Variants in PALS2 observed in about 807,000 individuals in gnomAD.
The protein encoded by PALS2 is protein PALS2.
PALS2 carries 27 observed loss-of-function variants against 61.6 expected under a neutral mutation model. The ratio of observed to expected loss-of-function variants is 0.44; its 90% CI spans 0.32 to 0.60. PALS2 has a LOEUF of 0.60. Ranked by LOEUF, PALS2 falls within the 20% of genes least tolerant of loss-of-function variation. The probability of loss-of-function intolerance (pLI) is 0.05; values close to 1 mark genes in which losing one functional copy is unlikely to be tolerated. For synonymous variants in PALS2, 236 were observed against 218.6 expected (o/e 1.08, Z -0.70); for missense variants, 554 against 639.4 (o/e 0.87, Z 1.44).
Position 24,663,770 on chromosome 7 carries a change from T to A in PALS2, c.783+49T>A, listed in dbSNP as rs372794083. ...CTCAGCTACTTTTCTAATTTTAATC[T>A]TAGATCTGATCAATATCTGAATAGT... On this transcript the variant is annotated intron_variant, in intron 6 of 11. Coordinates refer to ENST00000222644, the MANE Select transcript of PALS2 (RefSeq NM_001303037.2). 31 of 1,543,824 alleles carry A rather than the reference T, an allele frequency of 2.0e-5. No homozygotes were observed. The African/African-American group carries it at 4.3e-4, about 21-fold the overall frequency.
At chr7:24,617,145 T>C (rs1327307062) in intron 1 of PALS2, among the ~76,000 whole-genome samples, 1 of 152,296 alleles carries the variant, frequency 6.6e-6, no homozygotes, top group East Asian at 1.9e-4. Context: ...AGAAATTCTT[T>C]CTTCTGCCTG....
chr7:24,638,323 T>TTTTTTTTTTTTTTTTC (rs1785345366), intron 2 of PALS2, among the ~76,000 whole-genome samples: 12 of 6,898 alleles, frequency 1.7e-3, no homozygotes, highest in Non-Finnish European at 7.8e-4. Flanking sequence ...CTGTATTTTC[T>TTTTTTTTTTTTTTTTC]TTTTTTTTTT....
At chr7:24,582,883 CTTTTTTT>C (rs757869072) in intron 1 of PALS2, among the ~76,000 whole-genome samples, 1 of 57,468 alleles carries the variant, frequency 1.7e-5, no homozygotes, top group Admixed American at 2.1e-4. Context: ...GATAGTCATG[CTTTTTTT>C]TTTTTTTTTT....
chr7:24,635,483 C>A (rs1199440087), intron 2 of PALS2, among the ~76,000 whole-genome samples: 3 of 152,072 alleles, frequency 2.0e-5, no homozygotes, highest in Admixed American at 1.3e-4. Flanking sequence ...AATACAAGGT[C>A]ATGTCATCTG....
At chr7:24,676,641 C>T (rs1220706459) in intron 9 of PALS2, among the ~76,000 whole-genome samples, 1 of 151,920 alleles carries the variant, frequency 6.6e-6, no homozygotes, top group Non-Finnish European at 1.5e-5. Context: ...GAATCCTTTC[C>T]CCATTGCTTG....
rs1277215077 is a variant in PALS2 at position 24,578,124 on chromosome 7, T to A, written c.-3+4531T>A. Among the ~76,000 whole-genome samples the A allele has an allele frequency of 2.6e-5, 4 of 151,800 alleles. No individual in the cohort carries two copies. In the East Asian group the frequency reaches 5.8e-4, roughly 22 times the overall value. On this transcript the variant is annotated intron_variant, in intron 1 of 11. Transcript: ENST00000222644. ...TGCCGAGCTAATTAAAAAAAAAAAA[T>A]TCTGTAGAAATGGAGTCTTGCTGTG...
intron 1 of PALS2, among the ~76,000 whole-genome samples, chr7:24,610,133 T>C (rs576357451): frequency 1.3e-5 from 2 of 152,260 alleles, no homozygotes; most frequent in South Asian, 2.1e-4. Flanking sequence ...GTAGGAAGTA[T>C]TGTTCTAGGA....
intron 9 of PALS2, among the ~76,000 whole-genome samples, chr7:24,677,297 T>C (rs1433333752): frequency 6.6e-6 from 1 of 152,154 alleles, no homozygotes; most frequent in African/African-American, 2.4e-5. Context: ...TTTCTAGATA[T>C]ACAATCACGT....
At chr7:24,587,887 A>G (rs1406841916) in intron 1 of PALS2, among the ~76,000 whole-genome samples, 1 of 152,200 alleles carries the variant, frequency 6.6e-6, no homozygotes, top group Non-Finnish European at 1.5e-5. Context: ...AGTGATTCTG[A>G]TGCCAGAAAT....
chr7:24,685,459 A>C (rs1788145375), intron 11 of PALS2, among the ~76,000 whole-genome samples: 1 of 152,050 alleles, frequency 6.6e-6, no homozygotes. Context: ...TTACCATGTT[A>C]GTTTCCAGTA....
At chr7:24,607,494 GAT>G (rs952385822) in intron 1 of PALS2, among the ~76,000 whole-genome samples, 34 of 150,630 alleles carry the variant, frequency 2.3e-4, no homozygotes, top group Non-Finnish European at 1.0e-4. Flanking sequence ...ACACACACAT[GAT>G]ATATATGTGT....
At chr7:24,640,604 T>C (rs1431401717) in intron 2 of PALS2, among the ~76,000 whole-genome samples, 1 of 152,232 alleles carries the variant, frequency 6.6e-6, no homozygotes, top group Non-Finnish European at 1.5e-5. Context: ...CAGAATTGTA[T>C]AGCAACCATT....
At chr7:24,610,531 A>C (rs781492831) in intron 1 of PALS2, among the ~76,000 whole-genome samples, 2 of 152,204 alleles carry the variant, frequency 1.3e-5, no homozygotes, top group African/African-American at 2.4e-5. Context: ...ATGAAATATT[A>C]CTAAATTACA....
Position 24,680,474 on chromosome 7 carries a change from T to C in PALS2, c.1400T>C (p.Met467Thr), listed in dbSNP as rs1787863068. 6.2e-7 allele frequency: 1 copy of C among 1,614,116 alleles called. No homozygotes were observed. Among genetic ancestry groups the C allele is most frequent in the Non-Finnish European group, 8.5e-7 (1 of 1,179,972 alleles). The change falls in exon 11 of 12, where the codon ATG (methionine) becomes ACG (threonine). Residue 467 changes from methionine (M) to threonine (T), a missense_variant. Transcript: ENST00000222644. Reference sequence around the variant, plus strand: ...CCGGAGCTAGAGACGTTACGTGCCATGCACAAGGCTGTGGTGGATGCAGGA... The same window carrying C: ...CCGGAGCTAGAGACGTTACGTGCCACGCACAAGGCTGTGGTGGATGCAGGA... Reference protein sequence around the residue: ...AAPELETLRAMHKAVVDAGIT... With the variant: ...AAPELETLRATHKAVVDAGIT...
chr7:24,637,296 CTTTTT>C (rs35499781), intron 2 of PALS2, among the ~76,000 whole-genome samples: 5 of 109,514 alleles, frequency 4.6e-5, no homozygotes, highest in East Asian at 2.7e-4. Context: ...ACTTACTCAT[CTTTTT>C]TTTTTTTTTT....
chr7:24,606,411 A>G (rs1325085095), intron 1 of PALS2, among the ~76,000 whole-genome samples: 2 of 152,138 alleles, frequency 1.3e-5, no homozygotes, highest in Non-Finnish European at 2.9e-5. Flanking sequence ...TTGAGATACT[A>G]TGTCAAAGTG....
intron 1 of PALS2, among the ~76,000 whole-genome samples, chr7:24,598,914 C>A (rs1479562991): frequency 6.6e-6 from 1 of 152,006 alleles, no homozygotes; most frequent in Non-Finnish European, 1.5e-5. Flanking sequence ...GTTTTTTGTG[C>A]TTATTTTTAA....
chr7:24,650,523 T>A lies in PALS2; in HGVS notation c.462T>A (p.Ile154=), dbSNP rs963131779. ...TFRVENNDLV[I]ARILHGGMID... is the part of the protein sequence containing the mutation. ...GGGTTGAAAATAATGATCTGGTAAT[T>A]GCCCGAATCCTCCATGGGGGAATGA... The change falls in exon 5 of 12, where the codon ATT becomes ATA. Residue 154 remains isoleucine, a synonymous_variant. Coordinates refer to ENST00000222644, the MANE Select transcript of PALS2 (RefSeq NM_001303037.2). The A allele has an allele frequency of 6.2e-7, 1 of 1,609,054 alleles. No individual in the cohort carries two copies. Among genetic ancestry groups the A allele is most frequent in the Non-Finnish European group, 8.5e-7 (1 of 1,178,716 alleles).
chr7:24,648,288 T>TC, intron 3 of PALS2, among the ~76,000 whole-genome samples: 1 of 147,970 alleles, frequency 6.8e-6, no homozygotes, highest in Non-Finnish European at 1.5e-5. Context: ...TAAAAATTAT[T>TC]CTTTTTTTTT....
Sources: gnomAD v4.1 joint callset for allele counts (sites outside exome capture counted in the v4.1 genomes callset) on GRCh38, gnomAD v4.1.1 for gene constraint, MANE v1.5 for transcripts, NCBI Gene and HGNC (gene_info 2026-07-23, HGNC 2026-07-21) for gene names.